PTGER3: variants seen among roughly 807,000 people sequenced by gnomAD.
PTGER3 encodes prostaglandin E receptor 3, also known as prostaglandin E2 receptor EP3 subtype.
Under a neutral mutation model 34.7 loss-of-function variants are expected in PTGER3, and 22 were observed. The observed-to-expected ratio is 0.63, with a 90% confidence interval of 0.45 to 0.91. The LOEUF (loss-of-function observed/expected upper bound fraction) is 0.91. PTGER3 is among the 40% of genes least tolerant of loss of function. The probability of loss-of-function intolerance (pLI) is 0.00; values close to 1 mark genes in which losing one functional copy is unlikely to be tolerated. For missense variants in PTGER3, 468 were observed against 519.4 expected (o/e 0.90, Z 0.96); for synonymous variants, 241 against 230.1 (o/e 1.05, Z -0.43).
chr1:71,036,838 CAA>C (rs5775047), intron 1 of PTGER3, among the ~76,000 whole-genome samples: 1 of 142,158 alleles, frequency 7.0e-6, no homozygotes, highest in African/African-American at 2.6e-5. Context: ...GACTTTGTCT[CAA>C]AAAAAAAAAA....
chr1:71,026,082 C>A (rs922632100), intron 1 of PTGER3, among the ~76,000 whole-genome samples: 3 of 152,130 alleles, frequency 2.0e-5, no homozygotes, highest in Non-Finnish European at 4.4e-5. Context: ...TTGCAAAATT[C>A]CCTCCCCAGG....
chr1:71,000,360 A>T (rs1656364689), intron 2 of PTGER3, among the ~76,000 whole-genome samples: 2 of 152,206 alleles, frequency 1.3e-5, no homozygotes, highest in South Asian at 4.1e-4. Flanking sequence ...GAATTTGATA[A>T]CATACGAAAA....
intron 4 of PTGER3, among the ~76,000 whole-genome samples, chr1:70,865,290 T>C (rs1237071849): frequency 5.9e-5 from 9 of 152,100 alleles, no homozygotes; most frequent in Non-Finnish European, 1.0e-4. Context: ...TGAAGTGGGA[T>C]ATGATCCAAA....
intron 4 of PTGER3, among the ~76,000 whole-genome samples, chr1:70,943,654 G>A (rs139706080): frequency 1.6e-4 from 24 of 152,098 alleles, no homozygotes; most frequent in African/African-American, 5.5e-4. Context: ...GACAAGAGTG[G>A]TCACTAGATA....
intron 1 of PTGER3, among the ~76,000 whole-genome samples, chr1:71,026,777 G>C (rs1658962034): frequency 6.6e-6 from 1 of 152,040 alleles, no homozygotes; most frequent in Non-Finnish European, 1.5e-5. Context: ...AAATTAGATA[G>C]ACGGTAAAAA....
intron 2 of PTGER3, among the ~76,000 whole-genome samples, chr1:70,986,575 A>T (rs1654934706): frequency 6.6e-6 from 1 of 152,190 alleles, no homozygotes; most frequent in South Asian, 2.1e-4. Flanking sequence ...CCCAGATTTC[A>T]CCAGCACTGA....
At chr1:70,883,874 C>A (rs1276353561) in intron 4 of PTGER3, 1 of 235,748 alleles carries the variant, frequency 4.2e-6, no homozygotes, top group South Asian at 4.3e-5. Flanking sequence ...ACCAGCCTGG[C>A]AAACATGGTG....
At chr1:71,015,541 G>C (rs1355087683) in intron 1 of PTGER3, among the ~76,000 whole-genome samples, 2 of 152,148 alleles carry the variant, frequency 1.3e-5, no homozygotes, top group Non-Finnish European at 2.9e-5. Context: ...ATATTAGTTT[G>C]AAGTAAGTAA....
At position 70,902,802 on chromosome 1, in the gene PTGER3, C is replaced by T. The variant is rs571593448; in HGVS notation, c.*24-49943G>A. On this transcript the variant is annotated intron_variant, in intron 4 of 4. Coordinates refer to the PTGER3 transcript ENST00000370931. ...TATTTACCAAATCAAAGATTTGGAA[C>T]TGAAATCCACTAGCAAGTGGCAGTT... 2.6e-4 allele frequency among the ~76,000 whole-genome samples: 40 copies of T among 152,238 alleles called. No individual in the cohort carries two copies. The South Asian group carries it at 8.3e-3, about 32-fold the overall frequency.
At chr1:70,931,028 G>T (rs1648636246) in intron 4 of PTGER3, among the ~76,000 whole-genome samples, 1 of 152,154 alleles carries the variant, frequency 6.6e-6, no homozygotes, top group Non-Finnish European at 1.5e-5. Flanking sequence ...AGGCAAGCTA[G>T]TTACTTCCTA....
intron 4 of PTGER3, among the ~76,000 whole-genome samples, chr1:70,918,670 C>G (rs757775775): frequency 2.6e-4 from 40 of 152,000 alleles, no homozygotes; most frequent in Non-Finnish European, 5.2e-4. Context: ...CTGGGCCTTA[C>G]TCTCCTCACC....
intron 4 of PTGER3, among the ~76,000 whole-genome samples, chr1:70,863,638 A>G (rs1349439648): frequency 6.6e-6 from 1 of 152,202 alleles, no homozygotes; most frequent in Non-Finnish European, 1.5e-5. Context: ...CTGAACTAGA[A>G]TGTAATAGAC....
chr1:70,971,429 T>G lies in PTGER3; in HGVS notation c.*301A>C. ...AAGGTTTGAAGTTGGAGAAAACTCC[T>G]GGAACACAGGTCTTTCTTTTCATCA... On this transcript the variant is annotated 3_prime_UTR_variant, in exon 4 of 4. Coordinates refer to ENST00000306666, the MANE Select transcript of PTGER3 (RefSeq NM_198719.2). 13 of 1,096,026 alleles carry G rather than the reference T, an allele frequency of 1.2e-5. No homozygotes were observed. The highest frequency in any genetic ancestry group is 1.4e-5 in the Non-Finnish European group (13 of 901,130). The allele number at this position is 1,096,026 out of a possible 1,614,324, so 67.9% of individuals were successfully genotyped here. A position where few individuals can be genotyped will look rare whatever the true frequency, so the allele number is the denominator to read the frequency against.
rs531825701 is a variant in PTGER3 at position 70,976,828 on chromosome 1, C to A, written c.1078-2440G>T. Among the ~76,000 whole-genome samples the A allele has an allele frequency of 4.6e-5, 7 of 152,258 alleles. No individual in the cohort carries two copies. The South Asian group carries it at 1.5e-3, about 32-fold the overall frequency. ...GATAAGCAGGTACTAACGAGCCTCT[C>A]TTAGACATATCAGCTCTTGCAGCCA... On this transcript the variant is annotated intron_variant, in intron 2 of 3. Transcript: ENST00000306666.
At chr1:70,867,029 C>G (rs756677067) in intron 4 of PTGER3, among the ~76,000 whole-genome samples, 9 of 152,238 alleles carry the variant, frequency 5.9e-5, no homozygotes, top group Non-Finnish European at 1.2e-4. Context: ...CTCAACCTGC[C>G]TTTACAGTTG....
At chr1:70,906,790 C>T (rs1333348759) in intron 4 of PTGER3, among the ~76,000 whole-genome samples, 1 of 152,140 alleles carries the variant, frequency 6.6e-6, no homozygotes, top group Non-Finnish European at 1.5e-5. Context: ...AGAGAGTTAG[C>T]ATTTGACATA....
intron 4 of PTGER3, among the ~76,000 whole-genome samples, chr1:70,889,941 CA>C (rs1000559134): frequency 4.1e-4 from 62 of 152,138 alleles, no homozygotes; most frequent in African/African-American, 1.4e-3. Context: ...TCCTGTCCTT[CA>C]TCTCCAAATG....
intron 4 of PTGER3, among the ~76,000 whole-genome samples, chr1:70,944,600 G>A (rs1211379182): frequency 6.6e-6 from 1 of 152,038 alleles, no homozygotes; most frequent in Non-Finnish European, 1.5e-5. Context: ...GATAAACATG[G>A]ATAGCATATC....
chr1:70,888,599 C>T (rs912112882), intron 4 of PTGER3, among the ~76,000 whole-genome samples: 15 of 152,094 alleles, frequency 9.9e-5, no homozygotes, highest in Admixed American at 3.9e-4. Flanking sequence ...ATTTAGATCT[C>T]TAGACTTATT....
Sources: allele counts gnomAD v4.1 joint callset (sites outside exome capture counted in the v4.1 genomes callset), GRCh38; gene constraint gnomAD v4.1.1; transcripts MANE v1.5; gene names NCBI Gene and HGNC (gene_info 2026-07-23, HGNC 2026-07-21).